Variants in CDH8 observed in about 807,000 individuals in gnomAD.
CDH8 encodes the protein cadherin 8, also known as cadherin-8.
CDH8 carries 17 observed loss-of-function variants against 68.1 expected under a neutral mutation model. The observed-to-expected ratio is 0.25, with a 90% CI of 0.17 to 0.37. CDH8 has a LOEUF of 0.37. Among genes scored for constraint, CDH8 ranks in the 10% least tolerant of loss-of-function variants. The probability of loss-of-function intolerance (pLI) is 1.00; values close to 1 mark genes in which losing one functional copy is unlikely to be tolerated. For synonymous variants in CDH8, 372 were observed against 365.1 expected, an observed-to-expected ratio of 1.02 and a Z score of -0.21; for missense variants, 763 against 999.3, an observed-to-expected ratio of 0.76 and a Z score of 3.19.
intron 7 of CDH8, among the ~76,000 whole-genome samples, chr16:61,807,396 G>A (rs534387107): frequency 4.7e-4 from 71 of 151,440 alleles, no homozygotes; most frequent in Middle Eastern, 6.8e-3. Context: ...TGGGTGCAGC[G>A]CACCAGCATG....
At chr16:61,790,549 G>T (rs1031451568) in intron 7 of CDH8, among the ~76,000 whole-genome samples, 1 of 151,992 alleles carries the variant, frequency 6.6e-6, no homozygotes, top group Admixed American at 6.6e-5. Flanking sequence ...AAGTGCACAT[G>T]AAATCTCTCT....
At chr16:61,857,386 T>C in intron 3 of CDH8, 148 bp from the exon 4 acceptor site, 1 of 641,356 alleles carries the variant, frequency 1.6e-6, no homozygotes, top group South Asian at 2.0e-5. Flanking sequence ...TAAACTGCTC[T>C]CTCATAACTT....
At chr16:61,703,532 T>G (rs780652206) in intron 10 of CDH8, among the ~76,000 whole-genome samples, 8 of 152,166 alleles carry the variant, frequency 5.3e-5, no homozygotes, top group Non-Finnish European at 1.2e-4. Flanking sequence ...TCTTTTAAAC[T>G]ATGCACTGAT....
intron 2 of CDH8, among the ~76,000 whole-genome samples, chr16:61,990,486 G>T (rs1327316755): frequency 6.6e-6 from 1 of 151,506 alleles, no homozygotes; most frequent in South Asian, 2.1e-4. Flanking sequence ...TCCTCTTAAT[G>T]TTCATATAAA....
chr16:61,898,946 AT>A (rs1250590491), intron 3 of CDH8, among the ~76,000 whole-genome samples: 1 of 151,926 alleles, frequency 6.6e-6, no homozygotes, highest in African/African-American at 2.4e-5. Context: ...CTGCTATGCC[AT>A]TTTGGGATAT....
chr16:61,957,685 T>C (rs1965009481), intron 2 of CDH8, among the ~76,000 whole-genome samples: 1 of 152,176 alleles, frequency 6.6e-6, no homozygotes, highest in South Asian at 2.1e-4. Context: ...ATGCCAAATT[T>C]TCCCATAACA....
intron 2 of CDH8, among the ~76,000 whole-genome samples, chr16:61,921,249 TATAATA>T (rs375901034): frequency 2.4e-4 from 36 of 147,488 alleles, no homozygotes; most frequent in African/African-American, 6.2e-4. Context: ...AAACTTAAAG[TATAATA>T]ATAATAATAA....
intron 2 of CDH8, among the ~76,000 whole-genome samples, chr16:61,961,092 G>A (rs1381385106): frequency 6.6e-6 from 1 of 152,114 alleles, no homozygotes; most frequent in Admixed American, 6.5e-5. Flanking sequence ...AAGGCGGGTG[G>A]ATTACTCGAG....
In CDH8 at chr16:61,991,105, A is replaced by G. The variant is rs16964143; in HGVS notation, c.252+30047T>C. Among the ~76,000 whole-genome samples, 646 of 152,298 alleles carry G rather than the reference A, an allele frequency of 4.2e-3. 9 individuals are homozygous for G. Among genetic ancestry groups the G allele is most frequent in the African/African-American group, 0.015 (625 of 41,566 alleles). On this transcript the variant is annotated intron_variant, in intron 2 of 11. Transcript: ENST00000577390. ...TGACTCTCACCTCTGTGACTCCAAT[A>G]TCTTCACTAACAATACTCAGCTATA...
chr16:61,786,691 A>G, intron 8 of CDH8, among the ~76,000 whole-genome samples: 1 of 5,004 alleles, frequency 2.0e-4, no homozygotes, highest in Admixed American at 1.5e-3. Flanking sequence ...TTCAAACTAT[A>G]CTACAAGGCT....
At chr16:61,795,892 GC>G (rs1364161616) in intron 7 of CDH8, among the ~76,000 whole-genome samples, 4 of 152,162 alleles carry the variant, frequency 2.6e-5, no homozygotes, top group Middle Eastern at 3.4e-3. Flanking sequence ...ACCTACAGGA[GC>G]CTTTTATACC....
intron 2 of CDH8, among the ~76,000 whole-genome samples, chr16:61,983,476 G>C (rs1429891391): frequency 6.6e-6 from 1 of 152,156 alleles, no homozygotes; most frequent in Non-Finnish European, 1.5e-5. Flanking sequence ...CTAGGTGATA[G>C]ATATAGTTAC....
In CDH8 at chr16:61,736,962, G is replaced by T. The variant is rs528057946; in HGVS notation, c.1415-9747C>A. 4.6e-5 allele frequency among the ~76,000 whole-genome samples: 7 copies of T among 152,194 alleles called. No homozygotes were observed. In the East Asian group the frequency reaches 9.7e-4, roughly 21 times the overall value. On this transcript the variant is annotated intron_variant, in intron 8 of 11. Transcript: ENST00000577390. ...CTGGAAGGAAAAGCCCATATCAATT[G>T]GTCACAAAAGTCAGGCGGTTTTCAC... is the stretch of plus-strand genomic sequence containing the variant.
intron 7 of CDH8, among the ~76,000 whole-genome samples, chr16:61,794,445 CT>C (rs1410511305): frequency 6.6e-6 from 1 of 151,968 alleles, no homozygotes; most frequent in African/African-American, 2.4e-5. Flanking sequence ...TTATAAAATA[CT>C]TATTAAGGGT....
At chr16:61,956,404 A>G (rs1964990641) in intron 2 of CDH8, among the ~76,000 whole-genome samples, 1 of 152,098 alleles carries the variant, frequency 6.6e-6, no homozygotes, top group East Asian at 1.9e-4. Context: ...TTACTCAAAT[A>G]ACCACTAACT....
At position 61,652,331 on chromosome 16, in the gene CDH8, G is replaced by T; in HGVS notation, c.*1277C>A. 1 of 984,652 alleles carries T rather than the reference G, an allele frequency of 1.0e-6. No individual in the cohort carries two copies. The highest frequency in any genetic ancestry group is 1.2e-6 in the Non-Finnish European group (1 of 829,300). 61.0% of individuals were successfully genotyped at this position (984,652 alleles called of 1,614,324 possible). ...AAATCAGTTCCTGCTCTAAAACTGT[G>T]GGGGTAAATTGAAGCATGTTTATTG... is the stretch of plus-strand genomic sequence containing the variant. On this transcript the variant is annotated 3_prime_UTR_variant, in exon 12 of 12. Transcript: ENST00000577390.
intron 8 of CDH8, among the ~76,000 whole-genome samples, chr16:61,777,720 C>T (rs572099153): frequency 1.4e-4 from 22 of 152,168 alleles, no homozygotes; most frequent in African/African-American, 5.3e-4. Flanking sequence ...ACCTACGTTG[C>T]AGGGGTAGCC....
intron 3 of CDH8, among the ~76,000 whole-genome samples, chr16:61,869,061 G>C (rs17249052): frequency 0.061 from 9,353 of 152,190 alleles, 413 homozygotes; most frequent in Middle Eastern, 0.12. Context: ...TGAAATGATA[G>C]CAAGAAAATT....
intron 2 of CDH8, among the ~76,000 whole-genome samples, chr16:61,966,088 T>C (rs1038575469): frequency 1.3e-5 from 2 of 152,220 alleles, no homozygotes; most frequent in African/African-American, 4.8e-5. Context: ...CAAAAAACTT[T>C]ATTAGGCCAA....
Sources: allele counts gnomAD v4.1 joint callset (sites outside exome capture counted in the v4.1 genomes callset), GRCh38; gene constraint gnomAD v4.1.1; transcripts MANE v1.5; gene names NCBI Gene and HGNC (gene_info 2026-07-23, HGNC 2026-07-21).